Variants in SMS observed in about 807,000 individuals in gnomAD.
SMS encodes spermine synthase.
Under a neutral mutation model 33.0 loss-of-function variants are expected in SMS, and 3 were observed. That is an observed-to-expected ratio of 0.09 (90% confidence interval 0.04 to 0.23). The LOEUF (loss-of-function observed/expected upper bound fraction) is 0.23, where lower values mean the gene tolerates loss of function less well. Ranked by LOEUF, SMS falls within the 10% of genes least tolerant of loss-of-function variation. The pLI is 1.00. For missense variants in SMS, 117 were observed against 288.6 expected (o/e 0.41, Z 4.31); for synonymous variants, 103 against 112.2 (o/e 0.92, Z 0.52).
rs373744251 is a variant in SMS, at chrX:21,947,984, C to T, written c.49+7111C>T. Among the ~76,000 whole-genome samples, 104 of 111,043 alleles carry T rather than the reference C, an allele frequency of 9.4e-4. 1 individual carries two copies. Among genetic ancestry groups the T allele is most frequent in the African/African-American group, 3.1e-3 (94 of 30,555 alleles). On this transcript the variant is annotated intron_variant, in intron 1 of 10. Coordinates refer to ENST00000404933, the MANE Select transcript of SMS (RefSeq NM_004595.5). ...TGGCATTGCCTTCCTTTGGCATGCG[C>T]TTTTGCTTTGTGATTTTTTTTTTAA...
chrX:21,990,381 C>A (rs1236777207), intron 9 of SMS, among the ~76,000 whole-genome samples: 1 of 112,692 alleles, frequency 8.9e-6, no homozygotes, highest in Admixed American at 9.4e-5. Flanking sequence ...GGCAGTGAGC[C>A]CCTTTTTCTT....
chrX:21,942,176 A>G (rs1254002540), intron 1 of SMS, among the ~76,000 whole-genome samples: 1 of 110,740 alleles, frequency 9.0e-6, no homozygotes, highest in Admixed American at 9.6e-5. Context: ...GTTTTCCTCG[A>G]ATTGGATAGA....
At chrX:21,986,994 G>GGT (rs1433094343) in intron 9 of SMS, among the ~76,000 whole-genome samples, 1 of 40,061 alleles carries the variant, frequency 2.5e-5, no homozygotes, top group Non-Finnish European at 4.5e-5. Flanking sequence ...GACTTATGAT[G>GGT]GTTTTTTTTT....
At chrX:21,978,224 C>T in intron 6 of SMS, 110 bp downstream of exon 6, 1 of 743,720 alleles carries the variant, frequency 1.3e-6, no homozygotes, top group Non-Finnish European at 2.1e-6. Context: ...AAATGTGTTA[C>T]CTAGACTGCC....
chrX:21,943,636 G>T (rs995122965), intron 1 of SMS, among the ~76,000 whole-genome samples: 2 of 110,114 alleles, frequency 1.8e-5, no homozygotes, highest in East Asian at 2.9e-4. Context: ...CGTGTGTGTG[G>T]GGGGGTGGGG....
At chrX:21,976,750 A>T (rs1351656952) in intron 4 of SMS, among the ~76,000 whole-genome samples, 2 of 112,081 alleles carry the variant, frequency 1.8e-5, no homozygotes, top group African/African-American at 6.5e-5. Context: ...AGTTATGTAG[A>T]TAGTCTTAAG....
chrX:21,947,588 G>C (rs1489912167), intron 1 of SMS, among the ~76,000 whole-genome samples: 1 of 111,560 alleles, frequency 9.0e-6, no homozygotes, highest in African/African-American at 3.3e-5. Flanking sequence ...TCTCAAATTT[G>C]TTGCTCATCA....
At chrX:21,954,030 G>T (rs1357614404) in intron 1 of SMS, among the ~76,000 whole-genome samples, 1 of 110,359 alleles carries the variant, frequency 9.1e-6, no homozygotes, top group East Asian at 2.8e-4. Flanking sequence ...TCATTCTCTA[G>T]TATGCAGTTT....
intron 9 of SMS, among the ~76,000 whole-genome samples, chrX:21,992,307 G>A (rs1925809084): frequency 8.9e-6 from 1 of 112,252 alleles, no homozygotes; most frequent in East Asian, 2.8e-4. Context: ...CAAATTGCAT[G>A]GTTTTAATTC....
chrX:21,954,944 C>T (rs1032607593), intron 1 of SMS, among the ~76,000 whole-genome samples: 7 of 110,414 alleles, frequency 6.3e-5, no homozygotes, highest in Non-Finnish European at 1.3e-4. Context: ...TCAAGGGATT[C>T]CCTTGCCCCA....
chrX:21,960,883 TAG>T (rs1469666287), intron 1 of SMS, among the ~76,000 whole-genome samples: 1 of 111,025 alleles, frequency 9.0e-6, no homozygotes, highest in Non-Finnish European at 1.9e-5. Context: ...AGGTCACAAG[TAG>T]AGAGAGGTTT....
intron 1 of SMS, among the ~76,000 whole-genome samples, chrX:21,959,459 T>TGCC (rs1272594010): frequency 9.0e-6 from 1 of 111,679 alleles, no homozygotes; most frequent in Non-Finnish European, 1.9e-5. Context: ...ACTTGAGGGA[T>TGCC]GCCGCGCTCT....
At chrX:21,986,855 T>C (rs1438893252) in intron 9 of SMS, among the ~76,000 whole-genome samples, 1 of 111,958 alleles carries the variant, frequency 8.9e-6, no homozygotes, top group Non-Finnish European at 1.9e-5. Context: ...TGGTAGATAC[T>C]GTATGATCTG....
chrX:21,992,887 C>T (rs1202986117), intron 10 of SMS, among the ~76,000 whole-genome samples, 175 bp downstream of exon 10: 1 of 112,466 alleles, frequency 8.9e-6, no homozygotes, highest in Non-Finnish European at 1.9e-5. Context: ...TAAATAAAAT[C>T]TGAGATTCTA....
At chrX:21,986,696 C>T (rs372615044) in intron 9 of SMS, among the ~76,000 whole-genome samples, 4 of 112,504 alleles carry the variant, frequency 3.6e-5, no homozygotes, top group South Asian at 3.6e-4. Flanking sequence ...TACAGACATG[C>T]TGTAGATGGA....
chrX:21,976,276 A>G (rs1378315325), intron 4 of SMS, among the ~76,000 whole-genome samples: 1 of 111,128 alleles, frequency 9.0e-6, no homozygotes, highest in African/African-American at 3.3e-5. Context: ...TCAGAGCACC[A>G]CCCCACAGCC....
intron 1 of SMS, among the ~76,000 whole-genome samples, chrX:21,958,300 T>C (rs1923109742): frequency 8.9e-6 from 1 of 111,909 alleles, no homozygotes; most frequent in Non-Finnish European, 1.9e-5. Flanking sequence ...TTGTATAAGG[T>C]GAGAGATGAG....
chrX:21,981,522 G>A (rs775036768), intron 7 of SMS, among the ~76,000 whole-genome samples: 15 of 111,739 alleles, frequency 1.3e-4, no homozygotes, highest in East Asian at 2.8e-4. Context: ...TATAAGGCAC[G>A]ATAATCAAAT....
At chrX:21,987,369 G>A (rs2146956122) in intron 9 of SMS, among the ~76,000 whole-genome samples, 1 of 111,935 alleles carries the variant, frequency 8.9e-6, no homozygotes, top group East Asian at 2.8e-4. Context: ...TTCTTGGTCT[G>A]TAGCTTAGGC....
Sources: gnomAD v4.1 joint callset for allele counts (sites outside exome capture counted in the v4.1 genomes callset) on GRCh38, gnomAD v4.1.1 for gene constraint, MANE v1.5 for transcripts, NCBI Gene and HGNC (gene_info 2026-07-23, HGNC 2026-07-21) for gene names.